Variants in NRG3 observed in about 807,000 individuals in gnomAD.
NRG3 encodes the protein neuregulin 3, also known as pro-neuregulin-3, membrane-bound isoform.
NRG3 carries 31 observed loss-of-function variants against 66.9 expected under a neutral mutation model. The observed-to-expected ratio is 0.46, with a 90% CI of 0.35 to 0.63. The LOEUF (loss-of-function observed/expected upper bound fraction) is 0.63, where lower values mean the gene tolerates loss of function less well. Among genes scored for constraint, NRG3 ranks in the 20% least tolerant of loss-of-function variants. The pLI is 0.00. For synonymous variants in NRG3, 393 were observed against 359.4 expected (o/e 1.09, Z -1.06); for missense variants, 910 against 878.9 (o/e 1.04, Z -0.45).
At chr10:82,134,877 C>T (rs1249362893) in intron 1 of NRG3, among the ~76,000 whole-genome samples, 2 of 151,764 alleles carry the variant, frequency 1.3e-5, no homozygotes, top group East Asian at 1.9e-4. Flanking sequence ...AATCCCAGTA[C>T]TTTGGGAGGC....
At chr10:82,132,536 GAT>G (rs1181932473) in intron 1 of NRG3, among the ~76,000 whole-genome samples, 4 of 66,016 alleles carry the variant, frequency 6.1e-5, no homozygotes, top group East Asian at 4.0e-4. Context: ...ATATATATAT[GAT>G]ATATATATAT....
At position 82,264,443 on chromosome 10, in the gene NRG3, C is replaced by T. The variant is rs191584330; in HGVS notation, c.824-94296C>T. On this transcript the variant is annotated intron_variant, in intron 1 of 8. Coordinates refer to ENST00000372141, the MANE Select transcript of NRG3 (RefSeq NM_001010848.4). ...CCCGCCCGATTCAATTATCTCCACCCGGTCCTGCCCTTGACACATGGGGAT... is the reference window on the plus strand; with the variant it reads ...CCCGCCCGATTCAATTATCTCCACCTGGTCCTGCCCTTGACACATGGGGAT... Among the ~76,000 whole-genome samples the T allele has an allele frequency of 3.2e-3, 492 of 152,202 alleles. 1 individual carries two copies. The highest frequency in any genetic ancestry group is 4.8e-3 in the Non-Finnish European group (324 of 68,010).
At chr10:82,349,459 T>C (rs887711471) in intron 1 of NRG3, among the ~76,000 whole-genome samples, 1 of 151,036 alleles carries the variant, frequency 6.6e-6, no homozygotes, top group Non-Finnish European at 1.5e-5. Flanking sequence ...GAACCACTGC[T>C]CTCTTCAAAG....
intron 2 of NRG3, among the ~76,000 whole-genome samples, chr10:82,518,163 A>G (rs1845873489): frequency 6.6e-6 from 1 of 152,214 alleles, no homozygotes. Context: ...TAAAGTACCT[A>G]AAAGTGTACC....
Position 82,438,096 on chromosome 10 carries a change from TG to T in NRG3, c.953+79234del, listed in dbSNP as rs201924021. 8.5e-3 allele frequency among the ~76,000 whole-genome samples: 1,298 copies of T among 152,252 alleles called. 24 individuals carry two copies. The highest frequency in any genetic ancestry group is 0.029 in the African/African-American group (1,201 of 41,570). On this transcript the variant is annotated intron_variant, in intron 2 of 8. Transcript: ENST00000372141. ...CTTTGGTGGAGAGAGTGTGCTTCAC[TG>T]GGGGGAAACCCACTCTTCTGGGCTG...
intron 2 of NRG3, among the ~76,000 whole-genome samples, chr10:82,363,234 C>T (rs1490131820): frequency 6.6e-6 from 1 of 152,098 alleles, no homozygotes; most frequent in East Asian, 1.9e-4. Flanking sequence ...AGATAACCAG[C>T]AAACAAATAT....
intron 2 of NRG3, among the ~76,000 whole-genome samples, chr10:82,410,088 C>T (rs1219848871): frequency 6.6e-6 from 1 of 151,972 alleles, no homozygotes; most frequent in Non-Finnish European, 1.5e-5. Flanking sequence ...TTAGTCTACC[C>T]AGGCCCAAAG....
At chr10:82,362,079 CAAAAAAAAAAAA>C (rs58975630) in intron 2 of NRG3, among the ~76,000 whole-genome samples, 799 of 13,922 alleles carry the variant, frequency 0.057, 9 homozygotes, top group African/African-American at 0.11. Context: ...AAAGTACATG[CAAAAAAAAAAAA>C]AAAAAAAAAA....
At chr10:81,998,642 A>T (rs2061040499) in intron 1 of NRG3, among the ~76,000 whole-genome samples, 1 of 152,216 alleles carries the variant, frequency 6.6e-6, no homozygotes, top group Admixed American at 6.5e-5. Context: ...CACAAGTGTT[A>T]TGTGATAAAA....
At chr10:82,349,145 T>A (rs1309254288) in intron 1 of NRG3, among the ~76,000 whole-genome samples, 2 of 151,694 alleles carry the variant, frequency 1.3e-5, no homozygotes, top group African/African-American at 4.8e-5. Flanking sequence ...GGCGCTCTGC[T>A]TTTTAGAGTT....
At chr10:82,919,426 G>A (rs1048671276) in intron 4 of NRG3, among the ~76,000 whole-genome samples, 4 of 152,070 alleles carry the variant, frequency 2.6e-5, no homozygotes, top group African/African-American at 4.8e-5. Flanking sequence ...AGCAACCAGC[G>A]ATTATAGGGA....
rs867398617 is a variant in NRG3, at chr10:81,903,999, T to A, written c.823+27836T>A. ...GTATATATATATATATATATATATTTTTTTTTTTTGTTTGTTTGTTTGTTT... is the reference window on the plus strand; with the variant it reads ...GTATATATATATATATATATATATTATTTTTTTTTGTTTGTTTGTTTGTTT... On this transcript the variant is annotated intron_variant, in intron 1 of 8. Coordinates refer to ENST00000372141, the MANE Select transcript of NRG3 (RefSeq NM_001010848.4). 2.2e-3 allele frequency among the ~76,000 whole-genome samples: 231 copies of A among 104,092 alleles called. 2 individuals carry two copies. Among genetic ancestry groups the A allele is most frequent in the African/African-American group, 0.01 (171 of 16,868 alleles). The allele number at this position is 104,092 out of a possible 152,430, so 68.3% of individuals were successfully genotyped here.
At chr10:82,589,102 C>T (rs1204810104) in intron 2 of NRG3, among the ~76,000 whole-genome samples, 1 of 152,146 alleles carries the variant, frequency 6.6e-6, no homozygotes, top group Non-Finnish European at 1.5e-5. Context: ...AGCACCCAGA[C>T]TCTCTGTCAG....
rs139695642 is a variant in NRG3, at chr10:82,207,698, G to A, written c.824-151041G>A. Among the ~76,000 whole-genome samples the A allele has an allele frequency of 7.7e-3, 1,179 of 152,254 alleles. 17 individuals carry two copies. Among genetic ancestry groups the A allele is most frequent in the African/African-American group, 0.027 (1,102 of 41,542 alleles). On this transcript the variant is annotated intron_variant, in intron 1 of 8. Transcript: ENST00000372141. ...GGCTCAGGAAACACACAATCATGGC[G>A]AAAGGGGAAGCGGGCATAGACCTTC...
At chr10:82,300,060 TACAC>T (rs920970854) in intron 1 of NRG3, among the ~76,000 whole-genome samples, 4 of 152,262 alleles carry the variant, frequency 2.6e-5, no homozygotes, top group African/African-American at 9.6e-5. Flanking sequence ...TTTGTGTATA[TACAC>T]ACACAAAGAA....
chr10:82,431,942 T>C (rs185173174), intron 2 of NRG3, among the ~76,000 whole-genome samples: 14 of 152,318 alleles, frequency 9.2e-5, no homozygotes, highest in African/African-American at 3.1e-4. Context: ...ATCAAACTTA[T>C]TCTTTAATCA....
intron 3 of NRG3, among the ~76,000 whole-genome samples, chr10:82,739,841 G>A (rs1381550798): frequency 3.3e-5 from 5 of 152,142 alleles, no homozygotes; most frequent in African/African-American, 9.7e-5. Context: ...CAAAGAGGAT[G>A]GTATTACTGG....
At chr10:82,375,937 C>G (rs2085201870) in intron 2 of NRG3, among the ~76,000 whole-genome samples, 1 of 152,202 alleles carries the variant, frequency 6.6e-6, no homozygotes, top group Non-Finnish European at 1.5e-5. Context: ...CATAGCTGTT[C>G]TATGTGTTGA....
chr10:82,309,871 T>C (rs1323894942), intron 1 of NRG3, among the ~76,000 whole-genome samples: 1 of 152,326 alleles, frequency 6.6e-6, no homozygotes, highest in Non-Finnish European at 1.5e-5. Flanking sequence ...CTCCCAATAC[T>C]GTCCTTCCTT....
Sources: gnomAD v4.1 joint callset for allele counts (sites outside exome capture counted in the v4.1 genomes callset) on GRCh38, gnomAD v4.1.1 for gene constraint, MANE v1.5 for transcripts, NCBI Gene and HGNC (gene_info 2026-07-23, HGNC 2026-07-21) for gene names.